The following PDE4B variants were observed in gnomAD, a reference collection of about 807,000 sequenced individuals.
The protein encoded by PDE4B is 3',5'-cyclic-AMP phosphodiesterase 4B.
A neutral mutation model predicts 82.2 loss-of-function variants in PDE4B; 20 were observed. That is an observed-to-expected ratio of 0.24 (90% CI 0.17 to 0.35). The LOEUF is 0.35. Among genes scored for constraint, PDE4B ranks in the 10% least tolerant of loss-of-function variants. The pLI, the probability that PDE4B is intolerant of heterozygous loss-of-function variation, is 1.00. For synonymous variants in PDE4B, 320 were observed against 318.9 expected, an observed-to-expected ratio of 1.00 and a Z score of -0.04; for missense variants, 655 against 907.2, an observed-to-expected ratio of 0.72 and a Z score of 3.57.
At chr1:66,335,810 C>T (rs1431562037) in intron 8 of PDE4B, among the ~76,000 whole-genome samples, 3 of 152,152 alleles carry the variant, frequency 2.0e-5, no homozygotes, top group African/African-American at 4.8e-5. Context: ...TGCCCAAATT[C>T]GATTAGACAT....
chr1:66,302,368 G>A (rs1006819826), intron 7 of PDE4B, among the ~76,000 whole-genome samples: 4 of 152,160 alleles, frequency 2.6e-5, no homozygotes, highest in African/African-American at 9.7e-5. Flanking sequence ...CTTGTTATGT[G>A]GCTTGGGAAA....
chr1:65,901,120 G>A (rs983891881), intron 1 of PDE4B, among the ~76,000 whole-genome samples: 8 of 151,820 alleles, frequency 5.3e-5, no homozygotes, highest in Non-Finnish European at 1.0e-4. Context: ...TATTTTGAGG[G>A]TATGTTTCTT....
chr1:66,286,687 C>T (rs777016337), intron 7 of PDE4B, among the ~76,000 whole-genome samples: 7 of 152,100 alleles, frequency 4.6e-5, no homozygotes, highest in African/African-American at 7.2e-5. Flanking sequence ...CATGGGAAAA[C>T]TTGTGGTCAC....
chr1:66,068,903 GGTAA>G lies in PDE4B; in HGVS notation c.281+150071_281+150074del, dbSNP rs910736356. ...TCAGTTCACTCTTTGGTTACCTGTA[GGTAA>G]GTGTCACCTCACAGTGTGGCTAAAT... On this transcript the variant is annotated intron_variant, in intron 3 of 16. Coordinates refer to ENST00000341517, the MANE Select transcript of PDE4B (RefSeq NM_002600.4). 9.3e-4 allele frequency among the ~76,000 whole-genome samples: 142 copies of G among 152,022 alleles called. 1 individual carries two copies. Among genetic ancestry groups the G allele is most frequent in the African/African-American group, 3.3e-3 (136 of 41,512 alleles).
intron 3 of PDE4B, among the ~76,000 whole-genome samples, chr1:66,173,495 A>G (rs1646876752): frequency 6.6e-6 from 1 of 152,216 alleles, no homozygotes; most frequent in African/African-American, 2.4e-5. Context: ...CTAAACCCGC[A>G]AGAGTCTATT....
chr1:66,192,608 AAG>A (rs1363060173), intron 3 of PDE4B, among the ~76,000 whole-genome samples: 1 of 152,166 alleles, frequency 6.6e-6, no homozygotes, highest in Non-Finnish European at 1.5e-5. Flanking sequence ...TGAGGTTCTC[AAG>A]AAATATAGGA....
intron 1 of PDE4B, among the ~76,000 whole-genome samples, chr1:65,880,263 G>GACTCA (rs1188718883): frequency 6.6e-6 from 1 of 152,106 alleles, no homozygotes; most frequent in Non-Finnish European, 1.5e-5. Context: ...TTTAGACAAG[G>GACTCA]GTGATTCATA....
At chr1:66,093,994 G>C (rs763427783) in intron 3 of PDE4B, among the ~76,000 whole-genome samples, 7 of 151,886 alleles carry the variant, frequency 4.6e-5, no homozygotes, top group Non-Finnish European at 8.8e-5. Context: ...ATATTCCATT[G>C]AACAAAGTCC....
At chr1:65,995,360 G>T (rs1288064507) in intron 3 of PDE4B, among the ~76,000 whole-genome samples, 1 of 151,974 alleles carries the variant, frequency 6.6e-6, no homozygotes, top group Non-Finnish European at 1.5e-5. Context: ...TCTCTTTCTA[G>T]AAAATAGACA....
chr1:66,058,999 T>C (rs2503224), intron 3 of PDE4B, among the ~76,000 whole-genome samples: 146,013 of 152,320 alleles, frequency 0.96, 70,008 homozygotes, highest in East Asian at 0.98. Context: ...CTCTGCATCC[T>C]TTATAAAACT....
intron 3 of PDE4B, among the ~76,000 whole-genome samples, chr1:66,209,657 A>G (rs1484049773): frequency 6.6e-6 from 1 of 152,156 alleles, no homozygotes; most frequent in African/African-American, 2.4e-5. Flanking sequence ...CACTCAGTAA[A>G]TTGCTTTGTG....
intron 3 of PDE4B, among the ~76,000 whole-genome samples, chr1:66,059,461 CT>C (rs1655473547): frequency 6.6e-6 from 1 of 152,174 alleles, no homozygotes; most frequent in South Asian, 2.1e-4. Context: ...TAAAGACATA[CT>C]GGAGACTGGT....
At chr1:65,904,307 T>A (rs949548856) in intron 1 of PDE4B, among the ~76,000 whole-genome samples, 1 of 152,182 alleles carries the variant, frequency 6.6e-6, no homozygotes, top group East Asian at 1.9e-4. Flanking sequence ...TTAAAAAAAA[T>A]TTAGTATTGG....
intron 13 of PDE4B, among the ~76,000 whole-genome samples, chr1:66,366,732 A>G (rs1000903824): frequency 6.6e-6 from 1 of 152,204 alleles, no homozygotes; most frequent in African/African-American, 2.4e-5. Flanking sequence ...AATCATATAT[A>G]GGCCAGTTAG....
chr1:65,822,492 T>A (rs1645964505), intron 1 of PDE4B, among the ~76,000 whole-genome samples: 1 of 152,194 alleles, frequency 6.6e-6, no homozygotes, highest in Admixed American at 6.5e-5. Context: ...TATCTCTGTC[T>A]TTACTTGTTA....
chr1:66,284,102 G>A (rs1258818963), intron 7 of PDE4B, among the ~76,000 whole-genome samples: 1 of 152,152 alleles, frequency 6.6e-6, no homozygotes, highest in Non-Finnish European at 1.5e-5. Context: ...ATAACGCAGT[G>A]TAATAAGAAT....
chr1:66,324,725 A>G (rs1447410990), intron 7 of PDE4B, among the ~76,000 whole-genome samples: 1 of 152,192 alleles, frequency 6.6e-6, no homozygotes, highest in Non-Finnish European at 1.5e-5. Context: ...TTCCATATCT[A>G]TAAAGACATG....
chr1:65,915,492 C>T (rs2100466271), intron 2 of PDE4B, among the ~76,000 whole-genome samples: 1 of 152,262 alleles, frequency 6.6e-6, no homozygotes, highest in East Asian at 1.9e-4. Flanking sequence ...TCCATTTTCT[C>T]ACTATGAGTT....
rs543966992 is a variant in PDE4B, at chr1:66,171,996, G to A, written c.282-75464G>A. On this transcript the variant is annotated intron_variant, in intron 3 of 16. Transcript: ENST00000341517. ...TAAGATTCAGGGAGTATATGTGCAG[G>A]TTTGTTACACTCGTATATTGTGTGA... 3.2e-4 allele frequency among the ~76,000 whole-genome samples: 49 copies of A among 152,208 alleles called. No homozygotes were observed. In the South Asian group the frequency reaches 0.01, roughly 32 times the overall value.
Sources: gnomAD v4.1 joint callset for allele counts (sites outside exome capture counted in the v4.1 genomes callset) on GRCh38, gnomAD v4.1.1 for gene constraint, MANE v1.5 for transcripts, NCBI Gene and HGNC (gene_info 2026-07-23, HGNC 2026-07-21) for gene names.